The following PLEKHA1 variants were observed in gnomAD, a reference collection of about 807,000 sequenced individuals.
PLEKHA1 encodes the protein pleckstrin homology domain-containing family A member 1.
Under a neutral mutation model 52.0 loss-of-function variants are expected in PLEKHA1, and 34 were observed. That is an observed-to-expected ratio of 0.65 (90% confidence interval 0.50 to 0.87). The LOEUF (loss-of-function observed/expected upper bound fraction) is 0.87. Ranked by LOEUF, PLEKHA1 falls within the 40% of genes least tolerant of loss-of-function variation. The probability of loss-of-function intolerance (pLI) is 0.00; values close to 1 mark genes in which losing one functional copy is unlikely to be tolerated. For synonymous variants in PLEKHA1, 163 were observed against 170.7 expected (o/e 0.95, Z 0.35); for missense variants, 497 against 504.2 (o/e 0.99, Z 0.14).
At chr10:122,414,358 G>T (rs1381689885) in intron 6 of PLEKHA1, among the ~76,000 whole-genome samples, 1 of 151,834 alleles carries the variant, frequency 6.6e-6, no homozygotes, top group African/African-American at 2.4e-5. Context: ...TTTATGGAGG[G>T]TATAATTTTA....
At position 122,393,318 on chromosome 10, in the gene PLEKHA1, G is replaced by C; in HGVS notation, c.118G>C (p.Val40Leu). 6.2e-7 allele frequency: 1 copy of C among 1,611,666 alleles called. No homozygotes were observed. Among genetic ancestry groups the C allele is most frequent in the Non-Finnish European group, 8.5e-7 (1 of 1,178,980 alleles). The change falls in exon 2 of 12, where the codon GTG (valine) becomes CTG (leucine). Residue 40 changes from valine to leucine, a missense_variant. Coordinates refer to ENST00000368990, the MANE Select transcript of PLEKHA1 (RefSeq NM_001001974.4). This position sits in a 1 kb window ranked among gnomAD's most constrained non-coding sequence, Gnocchi z 4.5. ...FILDTREDSF[V>L]WYMDNPQNLP... is the part of the protein sequence containing the mutation. Reference sequence around the variant, plus strand: ...ACTGGATACCAGAGAAGATAGTTTCGTGTGGTACATGGATAATCCACAGGT... The same window carrying C: ...ACTGGATACCAGAGAAGATAGTTTCCTGTGGTACATGGATAATCCACAGGT...
chr10:122,438,609 T>C, the PLEKHA1 span: 1 of 152,222 alleles, frequency 6.6e-6, no homozygotes, highest in Non-Finnish European at 1.5e-5. Context: ...AATAGATGTC[T>C]AGGATTGGGG....
At chr10:122,432,642 C>T (rs1453660768), downstream of PLEKHA1, 2 of 152,130 alleles carry the variant, frequency 1.3e-5, no homozygotes, top group Non-Finnish European at 2.9e-5. Flanking sequence ...CTCAGAGCAT[C>T]GTGTGGATCA....
intron 8 of PLEKHA1, 24 bp from the exon 9 acceptor site, chr10:122,424,175 T>C (rs45519541): frequency 0.055 from 51,267 of 940,672 alleles, 222 homozygotes; most frequent in East Asian, 0.13. Flanking sequence ...GTAACTGTTT[T>C]TTTTTTTTTT....
At position 122,381,077 on chromosome 10, in the gene PLEKHA1, T is replaced by C. The variant is rs947207731; in HGVS notation, c.-21+6271T>C. On this transcript the variant is annotated intron_variant, in intron 1 of 11. Coordinates refer to ENST00000368990, the MANE Select transcript of PLEKHA1 (RefSeq NM_001001974.4). ...GGTATTTAGAAAAGTGCTTTGTGAG[T>C]AGTAATATGTGTACGTGTTTATTGA... 2.0e-5 allele frequency among the ~76,000 whole-genome samples: 3 copies of C among 152,126 alleles called. No homozygotes were observed. In the South Asian group the frequency reaches 6.2e-4, roughly 32 times the overall value.
intron 1 of PLEKHA1, chr10:122,387,652 T>C (rs978707566): frequency 3.9e-5 from 6 of 152,214 alleles, no homozygotes; most frequent in African/African-American, 1.4e-4. Context: ...CTCTCTCTTG[T>C]AGTTGCAGTC....
rs1373138994 is a variant in PLEKHA1, at chr10:122,431,886, C to T, written c.*1948C>T. 1.3e-5 allele frequency: 2 copies of T among 151,920 alleles called. No individual in the cohort carries two copies. Among genetic ancestry groups the T allele is most frequent in the Non-Finnish European group, 2.9e-5 (2 of 67,988 alleles). The allele number at this position is 151,920 out of a possible 1,614,324, so 9.4% of individuals were successfully genotyped here. A position where few individuals can be genotyped will look rare whatever the true frequency, so the allele number is the denominator to read the frequency against. On this transcript the variant is annotated 3_prime_UTR_variant, in exon 12 of 12. Coordinates refer to ENST00000368990, the MANE Select transcript of PLEKHA1 (RefSeq NM_001001974.4). ...ACACACCCGAGAAATCTTAAATAGA[C>T]ACTTTGCAATATTTAAGAACCTAAT...
At chr10:122,423,047 T>C (rs935380509) in intron 8 of PLEKHA1, 11 of 152,114 alleles carry the variant, frequency 7.2e-5, no homozygotes, top group African/African-American at 2.7e-4. Flanking sequence ...CTCAGTCTCT[T>C]ATTAAGTGTG....
rs570525821 is a variant in PLEKHA1, at chr10:122,415,882, T to G, written c.492T>G (p.Gly164=). 1.2e-6 allele frequency: 2 copies of G among 1,612,202 alleles called. No individual in the cohort carries two copies. The highest frequency in any genetic ancestry group is 1.3e-5 in the African/African-American group (1 of 74,980). The change falls in exon 7 of 12, where the codon GGT becomes GGG. Residue 164 remains glycine (G), a synonymous_variant. Coordinates refer to ENST00000368990, the MANE Select transcript of PLEKHA1 (RefSeq NM_001001974.4). ...AGAAAGAAGAAGTAAATGAATGTGGTGAAAGTATTGACAGAAATAATCTGA... is the reference window on the plus strand; with the variant it reads ...AGAAAGAAGAAGTAAATGAATGTGGGGAAAGTATTGACAGAAATAATCTGA... ...PTQKEEVNEC[G]ESIDRNNLKR...
intron 4 of PLEKHA1, among the ~76,000 whole-genome samples, chr10:122,404,585 G>A (rs1469878004): frequency 6.6e-6 from 1 of 152,178 alleles, no homozygotes; most frequent in Non-Finnish European, 1.5e-5. Context: ...AAGCCTTACC[G>A]ATGGCTAGAA....
intron 10 of PLEKHA1, 151 bp from the exon 11 acceptor site, chr10:122,426,791 A>C: frequency 1.6e-5 from 11 of 676,298 alleles, no homozygotes; most frequent in Non-Finnish European, 2.7e-5. Context: ...ACCTGGCTTT[A>C]AAAAAATGAT....
chr10:122,427,141 G>A, intron 11 of PLEKHA1, 110 bp downstream of exon 11: 1 of 1,057,670 alleles, frequency 9.5e-7, no homozygotes, highest in African/African-American at 1.6e-5. Context: ...TTATTTGCAT[G>A]TTGACTTTTA....
intron 1 of PLEKHA1, among the ~76,000 whole-genome samples, chr10:122,377,661 T>C (rs1406050464): frequency 6.6e-6 from 1 of 152,206 alleles, no homozygotes; most frequent in Non-Finnish European, 1.5e-5. Context: ...CATCCTGTTA[T>C]TTGTTATAGC....
chr10:122,425,128 T>C, intron 10 of PLEKHA1, 169 bp downstream of exon 10: 1 of 454,572 alleles, frequency 2.2e-6, no homozygotes, highest in Non-Finnish European at 3.7e-6. Context: ...GGTGGGGTTA[T>C]ATGTTCAGGA....
intron 7 of PLEKHA1, 71 bp from the exon 8 acceptor site, chr10:122,417,829 G>GTAAT: frequency 8.7e-7 from 1 of 1,152,710 alleles, no homozygotes; most frequent in Non-Finnish European, 1.3e-6. Context: ...TCATATCAGG[G>GTAAT]TAATTAAGTG....
intron 5 of PLEKHA1, 36 bp from the exon 6 acceptor site, chr10:122,412,884 T>C: frequency 6.2e-7 from 1 of 1,609,722 alleles, no homozygotes; most frequent in Non-Finnish European, 8.5e-7. Context: ...TGTATAATGC[T>C]GGTTGCAAAA....
At chr10:122,437,409 G>A in the PLEKHA1 span, 1 of 152,204 alleles carries the variant, frequency 6.6e-6, no homozygotes, top group Middle Eastern at 3.2e-3. Context: ...GGGTTGACAT[G>A]TCAGACATCC....
chr10:122,427,202 G>A (rs1208495965), intron 11 of PLEKHA1, among the ~76,000 whole-genome samples, 171 bp downstream of exon 11: 1 of 152,138 alleles, frequency 6.6e-6, no homozygotes, highest in Non-Finnish European at 1.5e-5. Flanking sequence ...ATGCTTCCTT[G>A]TAGTATTATG....
intron 1 of PLEKHA1, among the ~76,000 whole-genome samples, chr10:122,376,834 ATTCTT>A (rs2096545242): frequency 6.6e-6 from 1 of 152,156 alleles, no homozygotes; most frequent in African/African-American, 2.4e-5. Context: ...ATAGCATTGG[ATTCTT>A]TTCTTTAAAA....
Sources: gnomAD v4.1 joint callset for allele counts (sites outside exome capture counted in the v4.1 genomes callset) on GRCh38, gnomAD v4.1.1 for gene constraint, Gnocchi (gnomAD v3.1) non-coding constraint, MANE v1.5 for transcripts, NCBI Gene and HGNC (gene_info 2026-07-23, HGNC 2026-07-21) for gene names.